The following STEAP2 variants were observed in gnomAD, a reference collection of about 807,000 sequenced individuals.
STEAP2 encodes the protein metalloreductase STEAP2.
STEAP2 carries 30 observed loss-of-function variants against 46.4 expected under a neutral mutation model. That is an observed-to-expected ratio of 0.65 (90% CI 0.48 to 0.88). The LOEUF is 0.88. Among genes scored for constraint, STEAP2 ranks in the 40% least tolerant of loss-of-function variants. The pLI is 0.00. For missense variants in STEAP2, 513 were observed against 579.3 expected (o/e 0.89, Z 1.18); for synonymous variants, 180 against 200.5 (o/e 0.90, Z 0.86).
At position 90,234,611 on chromosome 7, in the gene STEAP2, C is replaced by T. The variant is rs1354289275; in HGVS notation, c.*1987C>T. On this transcript the variant is annotated 3_prime_UTR_variant, in exon 6 of 6. Transcript: ENST00000394621. The stretch of plus-strand genomic sequence containing the variant: ...TGTCACCCAGGCTGGAGTGCAGTGG[C>T]ACGATCTCGGCTCACTGCAAGCTCT... The T allele has an allele frequency of 5.1e-5, 42 of 831,394 alleles. No individual in the cohort carries two copies. The highest frequency in any genetic ancestry group is 5.7e-5 in the African/African-American group (3 of 52,320). The allele number at this position is 831,394 out of a possible 1,614,324, so 51.5% of individuals were successfully genotyped here.
chr7:90,235,003 GA>G lies in STEAP2; in HGVS notation c.*2383del. ...AAACATTCTATTATAGTGAACTAAT[GA>G]AAATAACAGCGTATTTTCAATATTT... On this transcript the variant is annotated 3_prime_UTR_variant, in exon 6 of 6. Transcript: ENST00000394621. 1 of 964,188 alleles carries G rather than the reference GA, an allele frequency of 1.0e-6. No individual in the cohort carries two copies. Among genetic ancestry groups the G allele is most frequent in the Non-Finnish European group, 1.2e-6 (1 of 810,526 alleles). 59.7% of individuals were successfully genotyped at this position (964,188 alleles called of 1,614,324 possible). A position where few individuals can be genotyped will look rare whatever the true frequency, so the allele number is the denominator to read the frequency against.
At chr7:90,219,414 T>C (rs1444968583) in intron 2 of STEAP2, among the ~76,000 whole-genome samples, 2 of 151,854 alleles carry the variant, frequency 1.3e-5, no homozygotes, top group Non-Finnish European at 2.9e-5. Flanking sequence ...ATGATAGCTA[T>C]ATTATTATTA....
chr7:90,240,424 T>C (rs1421302841), downstream of STEAP2, among the ~76,000 whole-genome samples: 1 of 152,192 alleles, frequency 6.6e-6, no homozygotes, highest in African/African-American at 2.4e-5. This position sits in a 1 kb window ranked among gnomAD's most constrained non-coding sequence, Gnocchi z 4.1. Flanking sequence ...TAAATTACTC[T>C]AATTCAGAAA....
At chr7:90,238,108 G>A (rs17866172), downstream of STEAP2, 2,021 of 717,072 alleles carry the variant, frequency 2.8e-3, 52 homozygotes, top group East Asian at 0.049. Flanking sequence ...GTGGCCTAGC[G>A]CTACCCTGTT....
At position 90,228,966 on chromosome 7, in the gene STEAP2, G is replaced by A. The variant is rs574053356; in HGVS notation, c.1021-906G>A. 6.6e-5 allele frequency among the ~76,000 whole-genome samples: 10 copies of A among 152,230 alleles called. No homozygotes were observed. The East Asian group carries it at 1.2e-3, about 18-fold the overall frequency. On this transcript the variant is annotated intron_variant, in intron 4 of 5. Transcript: ENST00000394621. Reference sequence around the variant, plus strand: ...ACTAATAGCTAAGAAGCAGCTTTTCGTTGTTAAATTTCAAGTATGTTTTGT... The same window carrying A: ...ACTAATAGCTAAGAAGCAGCTTTTCATTGTTAAATTTCAAGTATGTTTTGT...
In STEAP2 at chr7:90,233,044, A is replaced by T; in HGVS notation, c.*420A>T. ...AAGATTTTAATTATTCAACTTAAAA[A>T]GTAGAAATGCATTATTATACATTTT... On this transcript the variant is annotated 3_prime_UTR_variant, in exon 6 of 6. Transcript: ENST00000394621. The T allele has an allele frequency of 2.1e-6, 2 of 971,324 alleles. No individual in the cohort carries two copies. Among genetic ancestry groups the T allele is most frequent in the Non-Finnish European group, 2.4e-6 (2 of 816,866 alleles). 60.2% of individuals were successfully genotyped at this position (971,324 alleles called of 1,614,324 possible). A position where few individuals can be genotyped will look rare whatever the true frequency, so the allele number is the denominator to read the frequency against.
At chr7:90,223,222 CA>C (rs1227313405) in intron 2 of STEAP2, among the ~76,000 whole-genome samples, 4 of 152,192 alleles carry the variant, frequency 2.6e-5, no homozygotes, top group African/African-American at 9.7e-5. Flanking sequence ...TGATTTTATT[CA>C]ACAGCAGCTC....
At position 90,236,860 on chromosome 7, in the gene STEAP2, A is replaced by G; in HGVS notation, c.*4236A>G. The G allele has an allele frequency of 6.2e-7, 1 of 1,612,004 alleles. No individual in the cohort carries two copies. Among genetic ancestry groups the G allele is most frequent in the Non-Finnish European group, 8.5e-7 (1 of 1,179,128 alleles). ...TATGATCTCCAAATTGCCAACTTTA[A>G]GGAAATATTCTCTTGAAATTGTCTT... On this transcript the variant is annotated 3_prime_UTR_variant, in exon 6 of 6. Transcript: ENST00000394621.
At position 90,237,307 on chromosome 7, in the gene STEAP2, T is replaced by C. The variant is rs80214313; in HGVS notation, c.*4683T>C. 1,482 of 209,772 alleles carry C rather than the reference T, an allele frequency of 7.1e-3. 23 individuals carry two copies. The highest frequency in any genetic ancestry group is 0.031 in the African/African-American group (1,355 of 43,808). The allele number at this position is 209,772 out of a possible 1,614,324, so 13.0% of individuals were successfully genotyped here. A position where few individuals can be genotyped will look rare whatever the true frequency, so the allele number is the denominator to read the frequency against. On this transcript the variant is annotated 3_prime_UTR_variant, in exon 6 of 6. Transcript: ENST00000394621. ...CCTTCAGTTCTTTATCCTGATACCATTTAACACTGTCTGAATTAACTAGAC... is the reference window on the plus strand; with the variant it reads ...CCTTCAGTTCTTTATCCTGATACCACTTAACACTGTCTGAATTAACTAGAC...
rs987286826 is a variant in STEAP2, at chr7:90,234,716, G to A, written c.*2092G>A. The A allele has an allele frequency of 3.8e-5, 18 of 475,864 alleles. No individual in the cohort carries two copies. The highest frequency in any genetic ancestry group is 9.0e-5 in the South Asian group (1 of 11,070). 29.5% of individuals were successfully genotyped at this position (475,864 alleles called of 1,614,324 possible). A position where few individuals can be genotyped will look rare whatever the true frequency, so the allele number is the denominator to read the frequency against. ...CAGGTGCCCGCCACCATGCCCGGCT[G>A]ATTTCTTTTTGTATTTTTAGTAGAG... On this transcript the variant is annotated 3_prime_UTR_variant, in exon 6 of 6. Coordinates refer to ENST00000394621, the MANE Select transcript of STEAP2 (RefSeq NM_001244944.2).
At chr7:90,238,693 T>C (rs1796022602), downstream of STEAP2, among the ~76,000 whole-genome samples, 1 of 152,106 alleles carries the variant, frequency 6.6e-6, no homozygotes, top group African/African-American at 2.4e-5. Context: ...CCCCATAGAG[T>C]GGCAGCAGGT....
rs1041713999 is a variant in STEAP2 at position 90,235,156 on chromosome 7, T to C, written c.*2532T>C. On this transcript the variant is annotated 3_prime_UTR_variant, in exon 6 of 6. Transcript: ENST00000394621. ...TGTATATATTAAGTAGCCGATACTC[T>C]AAATAAAAATACCACTGTTACAGAT... 4 of 958,920 alleles carry C rather than the reference T, an allele frequency of 4.2e-6. No homozygotes were observed. The highest frequency in any genetic ancestry group is 4.8e-5 in the South Asian group (1 of 20,776). 59.4% of individuals were successfully genotyped at this position (958,920 alleles called of 1,614,324 possible).
downstream of STEAP2, among the ~76,000 whole-genome samples, chr7:90,241,662 T>A (rs1007376527): frequency 2.0e-5 from 3 of 152,186 alleles, no homozygotes; most frequent in African/African-American, 7.2e-5. Context: ...TCCAGACGAT[T>A]CTGATACACA....
chr7:90,232,309 T>A (rs146675767), intron 5 of STEAP2, 28 bp from the exon 6 acceptor site: 5 of 1,530,162 alleles, frequency 3.3e-6, no homozygotes. Flanking sequence ...TTATTCTTTG[T>A]TTCTTTTCCT....
intron 2 of STEAP2, among the ~76,000 whole-genome samples, chr7:90,219,901 T>A (rs1296448625): frequency 6.6e-6 from 1 of 152,080 alleles, no homozygotes; most frequent in Non-Finnish European, 1.5e-5. Context: ...ATTGTTTAAA[T>A]TTTTTGTAGA....
In STEAP2 at chr7:90,227,328, T is replaced by TA. The variant is rs1795540965; in HGVS notation, c.851dup (p.Tyr284Ter). 6.2e-7 allele frequency: 1 copy of TA among 1,613,846 alleles called. No homozygotes were observed. Among genetic ancestry groups the TA allele is most frequent in the African/African-American group, 1.3e-5 (1 of 74,912 alleles). Residue 284 changes from tyrosine to a stop codon, truncating the protein, a stop_gained and frameshift_variant, in exon 4 of 6, where the codon TAC becomes TAAC. Transcript: ENST00000394621. LOFTEE classifies it high-confidence loss of function. ...GLLAAAYQLY[Y>*]GTKYRRFPPW... Reference sequence around the variant, plus strand: ...TCTGGCAGCTGCTTATCAACTTTATTACGGCACCAAGTATAGGAGATTTCC... The same window carrying TA: ...TCTGGCAGCTGCTTATCAACTTTATTAACGGCACCAAGTATAGGAGATTTCC...
At position 90,236,347 on chromosome 7, in the gene STEAP2, C is replaced by A. The variant is rs194531; in HGVS notation, c.*3723C>A. On this transcript the variant is annotated 3_prime_UTR_variant, in exon 6 of 6. Coordinates refer to ENST00000394621, the MANE Select transcript of STEAP2 (RefSeq NM_001244944.2). ...TCTATGAAATCCCTGTTTTGAAATA[C>A]GTAAACAGCCTAAAATGTGTTGAAA... The A allele has an allele frequency of 0.85, 838,309 of 982,164 alleles. 358,483 individuals are homozygous for A. Among genetic ancestry groups the A allele is most frequent in the East Asian group, 1 (8,793 of 8,806 alleles). The allele number at this position is 982,164 out of a possible 1,614,324, so 60.8% of individuals were successfully genotyped here.
chr7:90,231,311 G>A (rs1423231779), intron 5 of STEAP2, among the ~76,000 whole-genome samples: 3 of 151,704 alleles, frequency 2.0e-5, no homozygotes, highest in Non-Finnish European at 1.5e-5. Context: ...ATATATGTGT[G>A]TGTGCCCATG....
In STEAP2 at chr7:90,237,667, ATAAT is replaced by A. The variant is rs1796006295; in HGVS notation, c.*5045_*5048del. ...ACGTGGATTTTTTTCTCATTAAATA[ATAAT>A]TCTAGTATTTGATGGAGGCCTTCTA... On this transcript the variant is annotated 3_prime_UTR_variant, in exon 6 of 6. Coordinates refer to ENST00000394621, the MANE Select transcript of STEAP2 (RefSeq NM_001244944.2). 1 of 156,670 alleles carries A rather than the reference ATAAT, an allele frequency of 6.4e-6. No homozygotes were observed. Among genetic ancestry groups the A allele is most frequent in the Non-Finnish European group, 1.4e-5 (1 of 70,584 alleles). 9.7% of individuals were successfully genotyped at this position (156,670 alleles called of 1,614,324 possible). A position where few individuals can be genotyped will look rare whatever the true frequency, so the allele number is the denominator to read the frequency against.
Sources: gnomAD v4.1 joint callset for allele counts (sites outside exome capture counted in the v4.1 genomes callset) on GRCh38, gnomAD v4.1.1 for gene constraint, Gnocchi (gnomAD v3.1) non-coding constraint, MANE v1.5 for transcripts, NCBI Gene and HGNC (gene_info 2026-07-23, HGNC 2026-07-21) for gene names.